NDST4: variants seen among roughly 807,000 people sequenced by gnomAD.
NDST4 encodes the protein N-deacetylase and N-sulfotransferase 4, also known as N-heparan sulfate sulfotransferase 4.
Under a neutral mutation model 100.8 loss-of-function variants are expected in NDST4, and 63 were observed. The ratio of observed to expected loss-of-function variants is 0.62; its 90% CI spans 0.51 to 0.77. The LOEUF (loss-of-function observed/expected upper bound fraction) is 0.77. Among genes scored for constraint, NDST4 ranks in the 30% least tolerant of loss-of-function variants. NDST4 has a pLI of 0.00. For synonymous variants in NDST4, 377 were observed against 361.8 expected (o/e 1.04, Z -0.48); for missense variants, 943 against 1,018.4 (o/e 0.93, Z 1.01).
chr4:115,111,325 G>A (rs549547642), intron 1 of NDST4, among the ~76,000 whole-genome samples: 45 of 151,854 alleles, frequency 3.0e-4, no homozygotes, highest in African/African-American at 9.6e-4. Context: ...AGGTATAACA[G>A]TTTTTAATCT....
At chr4:114,967,802 T>A (rs1413194793) in intron 4 of NDST4, among the ~76,000 whole-genome samples, 1 of 152,012 alleles carries the variant, frequency 6.6e-6, no homozygotes, top group African/African-American at 2.4e-5. Context: ...AAAAATTAGG[T>A]GTTTTAAAAG....
At chr4:114,951,771 T>C (rs980388433) in intron 4 of NDST4, among the ~76,000 whole-genome samples, 1 of 152,146 alleles carries the variant, frequency 6.6e-6, no homozygotes, top group Non-Finnish European at 1.5e-5. Context: ...GTTTGACTTC[T>C]ACACTGAGCA....
At chr4:114,926,829 C>T (rs561659829) in intron 6 of NDST4, among the ~76,000 whole-genome samples, 4 of 152,096 alleles carry the variant, frequency 2.6e-5, no homozygotes, top group African/African-American at 9.6e-5. Flanking sequence ...GATGAATTCC[C>T]AAGGCAATAA....
intron 6 of NDST4, among the ~76,000 whole-genome samples, chr4:114,914,349 A>T (rs1472287636): frequency 2.0e-5 from 3 of 152,178 alleles, no homozygotes; most frequent in African/African-American, 7.2e-5. Context: ...TAACACAGGG[A>T]TAAATGAGAG....
rs963398655 is a variant in NDST4 at position 114,951,778 on chromosome 4, A to G, written c.1222-14275T>C. The stretch of plus-strand genomic sequence containing the variant: ...ATACAAGGGTTTGACTTCTACACTG[A>G]GCAACTAGGTAAGGACTCATGTAAT... On this transcript the variant is annotated intron_variant, in intron 4 of 13. Transcript: ENST00000264363. Among the ~76,000 whole-genome samples the G allele has an allele frequency of 9.2e-5, 14 of 152,234 alleles. No individual in the cohort carries two copies. The East Asian group carries it at 2.5e-3, about 27-fold the overall frequency.
At chr4:114,926,165 A>C (rs1216227501) in intron 6 of NDST4, among the ~76,000 whole-genome samples, 1 of 152,172 alleles carries the variant, frequency 6.6e-6, no homozygotes, top group Non-Finnish European at 1.5e-5. Flanking sequence ...GGAACAGTGC[A>C]GAAAAATATC....
chr4:114,854,796 T>C (rs1367186720), intron 7 of NDST4, among the ~76,000 whole-genome samples: 2 of 152,220 alleles, frequency 1.3e-5, no homozygotes, highest in Non-Finnish European at 2.9e-5. Flanking sequence ...TTAATATTCA[T>C]GATGTTAGAT....
chr4:115,111,393 T>C (rs1192199846), intron 1 of NDST4, among the ~76,000 whole-genome samples: 2 of 151,872 alleles, frequency 1.3e-5, no homozygotes, highest in East Asian at 3.9e-4. Flanking sequence ...TGAGCATATG[T>C]TTCTATTTTG....
chr4:114,979,079 C>T (rs568274695), intron 2 of NDST4, among the ~76,000 whole-genome samples: 12 of 152,060 alleles, frequency 7.9e-5, no homozygotes, highest in Middle Eastern at 3.4e-3. Context: ...TCACCATGTA[C>T]TCTGGTTAAA....
chr4:115,047,562 T>C (rs894430169), intron 2 of NDST4, among the ~76,000 whole-genome samples: 2 of 152,176 alleles, frequency 1.3e-5, no homozygotes, highest in East Asian at 3.9e-4. Context: ...GCTTTGTTTG[T>C]AATCTATTTT....
At chr4:115,072,100 A>G (rs192827144) in intron 2 of NDST4, among the ~76,000 whole-genome samples, 3 of 152,200 alleles carry the variant, frequency 2.0e-5, no homozygotes, top group Admixed American at 2.0e-4. Flanking sequence ...GCCAAACAAG[A>G]CTACACTAAG....
chr4:115,050,116 C>T (rs72898605), intron 2 of NDST4, among the ~76,000 whole-genome samples: 1 of 152,178 alleles, frequency 6.6e-6, no homozygotes, highest in East Asian at 1.9e-4. Context: ...AATCCCCATA[C>T]AGTTTAAATT....
chr4:114,976,812 A>G (rs561477805), intron 3 of NDST4, among the ~76,000 whole-genome samples: 1 of 152,094 alleles, frequency 6.6e-6, no homozygotes, highest in African/African-American at 2.4e-5. Flanking sequence ...AAAAGTATCT[A>G]TCTCATCAAC....
At chr4:114,845,300 C>T (rs1281835021) in intron 10 of NDST4, among the ~76,000 whole-genome samples, 1 of 152,098 alleles carries the variant, frequency 6.6e-6, no homozygotes, top group East Asian at 1.9e-4. Context: ...CCACTGCACG[C>T]CAGCCTGGGT....
chr4:115,040,039 A>G (rs771971303), intron 2 of NDST4, among the ~76,000 whole-genome samples: 63 of 151,894 alleles, frequency 4.1e-4, no homozygotes, highest in Non-Finnish European at 7.2e-4. Flanking sequence ...TTGTTTTTTG[A>G]TGAATAAATA....
chr4:114,914,027 G>T (rs962123047), intron 6 of NDST4, among the ~76,000 whole-genome samples: 1 of 152,020 alleles, frequency 6.6e-6, no homozygotes, highest in Non-Finnish European at 1.5e-5. Flanking sequence ...CCTGTCATTT[G>T]CAACAACATG....
rs138892496 is a variant in NDST4 at position 114,923,055 on chromosome 4, G to T, written c.1536+12151C>A. On this transcript the variant is annotated intron_variant, in intron 6 of 13. Transcript: ENST00000264363. ...AGATATTAATAGAAAAGTACTGTAG[G>T]CATAAGAAGCTATACATACCAAAGC... is the stretch of plus-strand genomic sequence containing the variant. Among the ~76,000 whole-genome samples, 893 of 152,178 alleles carry T rather than the reference G, an allele frequency of 5.9e-3. 5 individuals carry two copies. The highest frequency in any genetic ancestry group is 1.0e-2 in the Non-Finnish European group (678 of 68,012).
intron 2 of NDST4, among the ~76,000 whole-genome samples, chr4:115,026,666 T>A (rs1307452015): frequency 6.9e-6 from 1 of 144,480 alleles, no homozygotes; most frequent in African/African-American, 2.5e-5. Flanking sequence ...CATTTCCCCA[T>A]CATTTTTCTT....
chr4:114,897,171 C>A (rs1724733516), intron 6 of NDST4, among the ~76,000 whole-genome samples: 1 of 152,102 alleles, frequency 6.6e-6, no homozygotes, highest in South Asian at 2.1e-4. Flanking sequence ...TAATGGCATG[C>A]ATCTACTATT....
Sources: gnomAD v4.1 joint callset for allele counts (sites outside exome capture counted in the v4.1 genomes callset) on GRCh38, gnomAD v4.1.1 for gene constraint, MANE v1.5 for transcripts, NCBI Gene and HGNC (gene_info 2026-07-23, HGNC 2026-07-21) for gene names.